Variants in HGS observed in about 807,000 individuals in gnomAD.
The protein encoded by HGS is hepatocyte growth factor-regulated tyrosine kinase substrate.
In HGS, 63 loss-of-function variants were observed where a neutral mutation model predicts 109.7. The ratio of observed to expected loss-of-function variants is 0.57; its 90% CI spans 0.47 to 0.71. The LOEUF (loss-of-function observed/expected upper bound fraction) is 0.71. Ranked by LOEUF, HGS falls within the 30% of genes least tolerant of loss-of-function variation. The pLI is 0.00. For missense variants in HGS, 995 were observed against 1,068.3 expected, an observed-to-expected ratio of 0.93 and a Z score of 0.96; for synonymous variants, 546 against 437.3, an observed-to-expected ratio of 1.25 and a Z score of -3.10.
At chr17:81,696,056 AT>A (rs1196378358) in intron 15 of HGS, 57 bp downstream of exon 15, 1 of 1,434,120 alleles carries the variant, frequency 7.0e-7, no homozygotes, top group Non-Finnish European at 9.3e-7. Flanking sequence ...TGTGAGCGCC[AT>A]CCTGGGCCAG....
rs1465719719 is a variant in HGS, at chr17:81,685,667, C to T, written c.100C>T (p.Leu34=). 1.2e-6 allele frequency: 2 copies of T among 1,612,252 alleles called. No homozygotes were observed. Among genetic ancestry groups the T allele is most frequent in the Non-Finnish European group, 1.7e-6 (2 of 1,179,382 alleles). ...GGAGTCCATTTTGCAGATCTGCGAC[C>T]TGATCCGCCAAGGGGACACACAGTG... The part of the protein sequence containing the change: ...DWESILQICD[L]IRQGDTQAKY... Residue 34 remains leucine (L), a synonymous_variant, in exon 2 of 22, where the codon CTG becomes TTG. Coordinates refer to ENST00000329138, the MANE Select transcript of HGS (RefSeq NM_004712.5).
At chr17:81,694,753 C>T (rs1196016637) in intron 11 of HGS, 62 bp from the exon 12 acceptor site, 2 of 1,593,042 alleles carry the variant, frequency 1.3e-6, no homozygotes, top group East Asian at 4.5e-5. Context: ...GGGGACATCC[C>T]TGTCCCTGCC....
chr17:81,690,776 G>T (rs767012330), intron 7 of HGS, 34 bp downstream of exon 7: 1 of 1,581,386 alleles, frequency 6.3e-7, no homozygotes, highest in Non-Finnish European at 8.7e-7. Context: ...TACAGCCCCG[G>T]CCAGACACCA....
chr17:81,687,585 G>A (rs1205224024), intron 4 of HGS, among the ~76,000 whole-genome samples: 1 of 152,158 alleles, frequency 6.6e-6, no homozygotes, highest in East Asian at 1.9e-4. Context: ...GGAGAGCGAG[G>A]GCTTCATGCT....
chr17:81,684,308 A>G (rs1309036513), intron 1 of HGS: 4 of 399,742 alleles, frequency 1.0e-5, no homozygotes, highest in Non-Finnish European at 1.7e-5. Flanking sequence ...GCGTTGGCAA[A>G]TGGGGCTCTG....
intron 18 of HGS, among the ~76,000 whole-genome samples, chr17:81,700,089 G>A (rs567964064): frequency 1.2e-4 from 17 of 140,394 alleles, no homozygotes; most frequent in African/African-American, 3.5e-4. Flanking sequence ...AAACTCGGCC[G>A]GGCGCGGTGG....
rs559589074 is a variant in HGS, at chr17:81,701,121, T to C, written c.2213T>C (p.Met738Thr). Residue 738 changes from methionine (M) to threonine (T), a missense_variant, in exon 21 of 22, where the codon ATG becomes ACG. Around this residue, in one of 6 missense-constraint regions of HGS, gnomAD observed 326 missense variants for 309.7 expected, o/e 1.05. Transcript: ENST00000329138. ...QQPYIAGQQP[M>T]YQQMAPSGGP... Reference sequence around the variant, plus strand: ...CCCTACATCGCGGGGCAGCAGCCCATGTACCAGCAGGTGAGCCATTCCCGG... The same window carrying C: ...CCCTACATCGCGGGGCAGCAGCCCACGTACCAGCAGGTGAGCCATTCCCGG... The C allele has an allele frequency of 2.2e-5, 36 of 1,613,718 alleles. No individual in the cohort carries two copies. The highest frequency in any genetic ancestry group is 1.9e-4 in the South Asian group (17 of 91,072).
At chr17:81,700,959 C>T (rs1177356148) in intron 20 of HGS, 86 bp from the exon 21 acceptor site, 41 of 1,531,354 alleles carry the variant, frequency 2.7e-5, no homozygotes, top group Non-Finnish European at 3.7e-5. Flanking sequence ...TCCCTGTGGT[C>T]ACCTTTGGAT....
chr17:81,699,488 C>T (rs1370797015), intron 18 of HGS, among the ~76,000 whole-genome samples: 3 of 152,178 alleles, frequency 2.0e-5, no homozygotes, highest in Non-Finnish European at 2.9e-5. Context: ...TGCAGTGGTG[C>T]GACGTCAGCT....
chr17:81,686,022 C>T (rs2036973926), intron 2 of HGS, among the ~76,000 whole-genome samples: 1 of 152,128 alleles, frequency 6.6e-6, no homozygotes. Flanking sequence ...CCCCTGCCTC[C>T]CAAGCTCAAA....
At chr17:81,699,388 G>C (rs757292502) in intron 18 of HGS, among the ~76,000 whole-genome samples, 12 of 152,134 alleles carry the variant, frequency 7.9e-5, no homozygotes, top group African/African-American at 2.7e-4. Context: ...CATTTTTTCT[G>C]ATTTCATTCC....
At position 81,695,930 on chromosome 17, in the gene HGS, C is replaced by G; in HGVS notation, c.1324C>G (p.Leu442Val). 6.3e-7 allele frequency: 1 copy of G among 1,596,778 alleles called. No individual in the cohort carries two copies. Among genetic ancestry groups the G allele is most frequent in the Non-Finnish European group, 8.6e-7 (1 of 1,168,730 alleles). ...SITNDSAVLS[L>V]FQSINGMHPQ... ...CACCAATGACTCGGCCGTGCTCTCA[C>G]TCTTCCAGTCCATCAACGGCATGCA... Residue 442 changes from leucine to valine, a missense_variant, in exon 15 of 22, where the codon CTC becomes GTC. Transcript: ENST00000329138.
At chr17:81,697,069 G>A in intron 18 of HGS, 71 bp downstream of exon 18, 5 of 1,460,880 alleles carry the variant, frequency 3.4e-6, no homozygotes, top group Non-Finnish European at 4.6e-6. Context: ...TTACAGAAAA[G>A]CAGTAAGAAT....
At chr17:81,699,846 G>A (rs952623582) in intron 18 of HGS, among the ~76,000 whole-genome samples, 6 of 151,826 alleles carry the variant, frequency 4.0e-5, no homozygotes, top group Non-Finnish European at 5.9e-5. Context: ...AGGCCGAGGC[G>A]GGTGGATCAC....
chr17:81,686,485 C>G (rs2036981728), intron 3 of HGS, 98 bp downstream of exon 3: 3 of 811,422 alleles, frequency 3.7e-6, no homozygotes, highest in Non-Finnish European at 6.3e-6. Context: ...TGCCCACCTC[C>G]CTGGGCATAC....
intron 1 of HGS, chr17:81,685,171 C>T (rs557010068): frequency 1.5e-6 from 1 of 649,654 alleles, no homozygotes; most frequent in African/African-American, 2.0e-5. Flanking sequence ...CCTCTCTAGC[C>T]CTTGCCCAAG....
chr17:81,690,269 G>C (rs757656838), intron 6 of HGS, 35 bp downstream of exon 6: 19 of 1,609,250 alleles, frequency 1.2e-5, no homozygotes, highest in Admixed American at 5.0e-5. Context: ...TTCTGGAGTC[G>C]GGCTGCTCAG....
intron 1 of HGS, among the ~76,000 whole-genome samples, chr17:81,685,315 G>C (rs2036960063): frequency 6.6e-6 from 1 of 152,196 alleles, no homozygotes; most frequent in Non-Finnish European, 1.5e-5. Flanking sequence ...TGAGCTGTGT[G>C]ACTCACGGCA....
chr17:81,685,200 C>T (rs1417617459), intron 1 of HGS: 7 of 393,842 alleles, frequency 1.8e-5, no homozygotes, highest in South Asian at 1.0e-4. Context: ...CCATTGAAAC[C>T]GGGAGCATCT....
Sources: allele counts gnomAD v4.1 joint callset (sites outside exome capture counted in the v4.1 genomes callset), GRCh38; gene constraint gnomAD v4.1.1; regional missense constraint gnomAD v4.1.1; transcripts MANE v1.5; gene names NCBI Gene and HGNC (gene_info 2026-07-23, HGNC 2026-07-21).